MYT1L: variants seen among roughly 807,000 people sequenced by gnomAD.
MYT1L encodes the protein myelin transcription factor 1-like protein.
Under a neutral mutation model 126.7 loss-of-function variants are expected in MYT1L, and 12 were observed. That is an observed-to-expected ratio of 0.09 (90% CI 0.06 to 0.15). The LOEUF is 0.15. Ranked by LOEUF, MYT1L falls within the 10% of genes least tolerant of loss-of-function variation. MYT1L has a pLI of 1.00. For synonymous variants in MYT1L, 541 were observed against 604.2 expected, an observed-to-expected ratio of 0.90 and a Z score of 1.53; for missense variants, 979 against 1,585.2, an observed-to-expected ratio of 0.62 and a Z score of 6.49.
intron 21 of MYT1L, among the ~76,000 whole-genome samples, chr2:1,820,151 G>T (rs560319725): frequency 1.3e-5 from 2 of 152,178 alleles, no homozygotes; most frequent in Non-Finnish European, 2.9e-5. Context: ...AAGGGCTGGG[G>T]CTTGGTCACC....
chr2:2,000,888 G>C (rs2062302410), intron 4 of MYT1L, among the ~76,000 whole-genome samples: 1 of 152,168 alleles, frequency 6.6e-6, no homozygotes, highest in African/African-American at 2.4e-5. Flanking sequence ...TCAGGTTTAT[G>C]AACGGTTCCA....
At chr2:2,089,372 A>C (rs1365136733) in intron 3 of MYT1L, among the ~76,000 whole-genome samples, 1 of 152,204 alleles carries the variant, frequency 6.6e-6, no homozygotes, top group Non-Finnish European at 1.5e-5. Context: ...TAAGCACTGA[A>C]TGCCTGGGGT....
At chr2:2,040,385 T>C (rs1262652514) in intron 4 of MYT1L, among the ~76,000 whole-genome samples, 3 of 152,210 alleles carry the variant, frequency 2.0e-5, no homozygotes, top group East Asian at 1.9e-4. Flanking sequence ...ACAGAAATCA[T>C]CCATGCAGAT....
At chr2:1,931,835 C>T (rs1051349214) in intron 9 of MYT1L, among the ~76,000 whole-genome samples, 6 of 152,126 alleles carry the variant, frequency 3.9e-5, no homozygotes, top group South Asian at 2.1e-4. Flanking sequence ...CAATCTACTC[C>T]GTGCAGCAGG....
chr2:2,003,657 G>A (rs1034770637), intron 4 of MYT1L, among the ~76,000 whole-genome samples: 1 of 152,136 alleles, frequency 6.6e-6, no homozygotes, highest in Non-Finnish European at 1.5e-5. Flanking sequence ...TGAGTCTTCA[G>A]TGCCACCCCA....
intron 11 of MYT1L, among the ~76,000 whole-genome samples, chr2:1,916,289 AC>A (rs1198925046): frequency 6.6e-6 from 1 of 152,176 alleles, no homozygotes; most frequent in African/African-American, 2.4e-5. Flanking sequence ...TTTTAATGGG[AC>A]AGTCCTCAAA....
At chr2:2,179,483 A>G (rs1016351366) in intron 2 of MYT1L, among the ~76,000 whole-genome samples, 1 of 152,238 alleles carries the variant, frequency 6.6e-6, no homozygotes, top group African/African-American at 2.4e-5. Flanking sequence ...CTGACCAAGA[A>G]TAAGTCCACA....
intron 8 of MYT1L, among the ~76,000 whole-genome samples, chr2:1,972,072 A>G (rs1442543276): frequency 6.6e-6 from 1 of 152,160 alleles, no homozygotes; most frequent in Non-Finnish European, 1.5e-5. Flanking sequence ...GGCGTACACA[A>G]TGTGTCTCAT....
intron 2 of MYT1L, among the ~76,000 whole-genome samples, chr2:2,208,799 G>C (rs1207985028): frequency 6.6e-6 from 1 of 151,946 alleles, no homozygotes; most frequent in Admixed American, 6.6e-5. Context: ...TATCATAGTA[G>C]AAATGATACC....
chr2:2,256,370 G>A (rs1332249542), intron 2 of MYT1L, among the ~76,000 whole-genome samples: 2 of 152,204 alleles, frequency 1.3e-5, no homozygotes, highest in Admixed American at 1.3e-4. Context: ...TGTGGCCACA[G>A]GTCTAATTCA....
intron 18 of MYT1L, among the ~76,000 whole-genome samples, chr2:1,857,449 A>G (rs1437025207): frequency 6.6e-6 from 1 of 152,168 alleles, no homozygotes; most frequent in Non-Finnish European, 1.5e-5. Context: ...TGTACAGAAC[A>G]ACATTGAATA....
intron 2 of MYT1L, among the ~76,000 whole-genome samples, chr2:2,276,844 CT>C (rs1331129511): frequency 3.9e-5 from 6 of 152,198 alleles, no homozygotes; most frequent in Admixed American, 2.6e-4. Context: ...CCACACCCCC[CT>C]GGAAGCCCTC....
chr2:2,309,486 A>G (rs1216119493), intron 1 of MYT1L, among the ~76,000 whole-genome samples: 2 of 148,386 alleles, frequency 1.3e-5, no homozygotes, highest in Non-Finnish European at 3.0e-5. Flanking sequence ...TTCTCTACCT[A>G]TACTCAATCT....
chr2:2,013,522 T>C (rs920365470), intron 4 of MYT1L, among the ~76,000 whole-genome samples: 1 of 152,248 alleles, frequency 6.6e-6, no homozygotes, highest in Admixed American at 6.5e-5. Context: ...CGGAGGCTCA[T>C]GGTCACCGTG....
chr2:1,949,574 T>G (rs536624842), intron 8 of MYT1L, among the ~76,000 whole-genome samples: 18 of 152,390 alleles, frequency 1.2e-4, no homozygotes, highest in African/African-American at 4.3e-4. Context: ...CAACATTATG[T>G]AGTGCATTCT....
chr2:1,972,355 G>GA (rs5828874), intron 8 of MYT1L, among the ~76,000 whole-genome samples: 70,705 of 152,040 alleles, frequency 0.47, 18,786 homozygotes, highest in African/African-American at 0.75. Flanking sequence ...AGCGTGGTTA[G>GA]AAAAAAATGC....
chr2:1,838,333 T>C (rs2148366243), intron 21 of MYT1L, among the ~76,000 whole-genome samples: 1 of 152,344 alleles, frequency 6.6e-6, no homozygotes, highest in East Asian at 1.9e-4. Flanking sequence ...TTACTGAACA[T>C]GCCATTATTC....
At position 2,228,957 on chromosome 2, in the gene MYT1L, C is replaced by T. The variant is rs192022983; in HGVS notation, c.-421+55447G>A. ...GTAGAGAAGGATATGAAGTGAAACA[C>T]GGGGGTCTTCCAACGTATCCAGCTG... On this transcript the variant is annotated intron_variant, in intron 2 of 24. Coordinates refer to ENST00000647738, the MANE Select transcript of MYT1L (RefSeq NM_001303052.2). The surrounding 1 kb of genome is among the most constrained non-coding windows in gnomAD (Gnocchi z 5.9). Among the ~76,000 whole-genome samples, 36 of 152,104 alleles carry T rather than the reference C, an allele frequency of 2.4e-4. No individual in the cohort carries two copies. The highest frequency in any genetic ancestry group is 6.5e-4 in the Admixed American group (10 of 15,290).
intron 8 of MYT1L, among the ~76,000 whole-genome samples, chr2:1,969,752 A>T (rs2059667410): frequency 6.6e-6 from 1 of 152,164 alleles, no homozygotes; most frequent in Non-Finnish European, 1.5e-5. Flanking sequence ...CTCTCTGGAC[A>T]CTGAGGGCAG....
Sources: gnomAD v4.1 joint callset for allele counts (sites outside exome capture counted in the v4.1 genomes callset) on GRCh38, gnomAD v4.1.1 for gene constraint, Gnocchi (gnomAD v3.1) non-coding constraint, MANE v1.5 for transcripts, NCBI Gene and HGNC (gene_info 2026-07-23, HGNC 2026-07-21) for gene names.